ITM2C: variants seen among roughly 807,000 people sequenced by gnomAD.
ITM2C encodes BRICHOS domain containing 2C.
A neutral mutation model predicts 30.0 loss-of-function variants in ITM2C; 20 were observed. The observed-to-expected ratio is 0.67, with a 90% confidence interval of 0.47 to 0.97. ITM2C has a LOEUF of 0.97. ITM2C is among the 50% of genes least tolerant of loss of function. ITM2C has a pLI of 0.00. For synonymous variants in ITM2C, 167 were observed against 156.4 expected, an observed-to-expected ratio of 1.07 and a Z score of -0.51; for missense variants, 366 against 371.9, an observed-to-expected ratio of 0.98 and a Z score of 0.13.
chr2:230,878,498 T>G lies in ITM2C; in HGVS notation c.*399T>G, dbSNP rs1417292305. 6.2e-6 allele frequency: 1 copy of G among 161,906 alleles called. No homozygotes were observed. Among genetic ancestry groups the G allele is most frequent in the Non-Finnish European group, 1.3e-5 (1 of 74,470 alleles). 10.0% of individuals were successfully genotyped at this position (161,906 alleles called of 1,614,324 possible). ...CGGGGCGGCATGGGCTTCAGAAGTA[T>G]CTGCACAATTAGAAAAGTCCTCAGA... On this transcript the variant is annotated 3_prime_UTR_variant, in exon 6 of 6. Coordinates refer to ENST00000326427, the MANE Select transcript of ITM2C (RefSeq NM_030926.6). The surrounding 1 kb of genome is among the most constrained non-coding windows in gnomAD (Gnocchi z 4.5).
At position 230,873,911 on chromosome 2, in the gene ITM2C, G is replaced by A. The variant is rs574927624; in HGVS notation, c.261+354G>A. The stretch of plus-strand genomic sequence containing the variant: ...CTCAGACCCTGCACCTGCAGGTCAC[G>A]CTTTAAGGCTGACCTAACTGTGCTT... On this transcript the variant is annotated intron_variant, in intron 2 of 5. Coordinates refer to ENST00000326427, the MANE Select transcript of ITM2C (RefSeq NM_030926.6). Among the ~76,000 whole-genome samples, 38 of 152,364 alleles carry A rather than the reference G, an allele frequency of 2.5e-4. No individual in the cohort carries two copies. The South Asian group carries it at 6.8e-3, about 27-fold the overall frequency.
chr2:230,876,932 C>A lies in ITM2C; in HGVS notation c.526C>A (p.Pro176Thr). The change falls in exon 4 of 6, where the codon CCT (proline) becomes ACT (threonine). Residue 176 changes from proline (P) to threonine (T), a missense_variant. Coordinates refer to ENST00000326427, the MANE Select transcript of ITM2C (RefSeq NM_030926.6). ...ACTCAACACCACCATTGTGCTGCCC[C>A]CTCGCAACTTCTGGGAGCTCCTCAT... is the stretch of plus-strand genomic sequence containing the variant. ...IELNTTIVLP[P>T]RNFWELLMNV... The A allele has an allele frequency of 2.5e-6, 4 of 1,613,986 alleles. No homozygotes were observed. The highest frequency in any genetic ancestry group is 3.4e-6 in the Non-Finnish European group (4 of 1,179,860).
chr2:230,878,213 G>T lies in ITM2C; in HGVS notation c.*114G>T. ...GTACTTTGGACGCGTTTCTATAGAG[G>T]TGACATGTCTCTCCATTCCTCTCCA... On this transcript the variant is annotated 3_prime_UTR_variant, in exon 6 of 6. Transcript: ENST00000326427. This position sits in a 1 kb window ranked among gnomAD's most constrained non-coding sequence, Gnocchi z 4.5. The T allele has an allele frequency of 1.5e-6, 1 of 663,200 alleles. No homozygotes were observed. The highest frequency in any genetic ancestry group is 2.5e-6 in the Non-Finnish European group (1 of 406,354). The allele number at this position is 663,200 out of a possible 1,614,324, so 41.1% of individuals were successfully genotyped here. A position where few individuals can be genotyped will look rare whatever the true frequency, so the allele number is the denominator to read the frequency against.
Position 230,877,482 on chromosome 2 carries a change from G to A in ITM2C, c.644G>A (p.Gly215Glu). 6.2e-7 allele frequency: 1 copy of A among 1,614,064 alleles called. No homozygotes were observed. Among genetic ancestry groups the A allele is most frequent in the Non-Finnish European group, 8.5e-7 (1 of 1,179,972 alleles). Residue 215 changes from glycine (G) to glutamate (E), a missense_variant, in exon 5 of 6, where the codon GGG becomes GAG. Transcript: ENST00000326427. The surrounding 1 kb of genome is among the most constrained non-coding windows in gnomAD (Gnocchi z 4.8). ...TEHVSDKEALGSFIYHLCNGK... is the reference protein window; with the variant it reads ...TEHVSDKEALESFIYHLCNGK... ...CATGTCAGTGACAAGGAGGCCCTGG[G>A]GTCCTTCATCTACCACCTGTGCAAC... is the stretch of plus-strand genomic sequence containing the variant.
chr2:230,871,493 C>A (rs765765889), intron 1 of ITM2C, among the ~76,000 whole-genome samples: 6 of 152,240 alleles, frequency 3.9e-5, no homozygotes, highest in Non-Finnish European at 5.9e-5. Context: ...CCTGAGGGCC[C>A]TGTGCACTGT....
rs979736927 is a variant in ITM2C, at chr2:230,865,599, G to C, written c.120+454G>C. 1 of 147,896 alleles carries C rather than the reference G, an allele frequency of 6.8e-6. No homozygotes were observed. Among genetic ancestry groups the C allele is most frequent in the African/African-American group, 2.5e-5 (1 of 40,186 alleles). The allele number at this position is 147,896 out of a possible 1,614,324, so 9.2% of individuals were successfully genotyped here. A position where few individuals can be genotyped will look rare whatever the true frequency, so the allele number is the denominator to read the frequency against. ...CAAAGTAGGGCGGTGGGACCTGATTGGCTGGGGAATTGGGGGTGGGGGGGT... is the reference window on the plus strand; with the variant it reads ...CAAAGTAGGGCGGTGGGACCTGATTCGCTGGGGAATTGGGGGTGGGGGGGT... On this transcript the variant is annotated intron_variant, in intron 1 of 5. Transcript: ENST00000326427. This position sits in a 1 kb window ranked among gnomAD's most constrained non-coding sequence, Gnocchi z 6.8.
At chr2:230,867,534 C>T (rs1217051393) in intron 1 of ITM2C, among the ~76,000 whole-genome samples, 3 of 152,066 alleles carry the variant, frequency 2.0e-5, no homozygotes, top group Admixed American at 6.5e-5. Flanking sequence ...GATTTTGTCC[C>T]GTACTGTTGG....
chr2:230,873,692 C>T, intron 2 of ITM2C, 135 bp downstream of exon 2: 1 of 830,752 alleles, frequency 1.2e-6, no homozygotes, highest in Non-Finnish European at 1.8e-6. Flanking sequence ...CCCGGCCAGC[C>T]CACAAGACTG....
intron 1 of ITM2C, among the ~76,000 whole-genome samples, chr2:230,872,271 T>A (rs1209485992): frequency 6.6e-6 from 1 of 152,204 alleles, no homozygotes; most frequent in East Asian, 1.9e-4. Context: ...GGAGGAAGGA[T>A]TAAATGGTGA....
intron 1 of ITM2C, among the ~76,000 whole-genome samples, chr2:230,869,331 C>G (rs1215703378): frequency 6.6e-6 from 1 of 152,218 alleles, no homozygotes; most frequent in Admixed American, 6.5e-5. Context: ...GACCCCTGAC[C>G]CTGTTGGCAG....
rs747832367 is a variant in ITM2C at position 230,877,426 on chromosome 2, C to T, written c.588C>T (p.Tyr196=). ...VKRGTYLPQT[Y]IIQEEMVVTE... is the part of the protein sequence containing the mutation. ...GGGGGACCTACCTGCCGCAGACGTA[C>T]ATCATCCAGGAGGAGATGGTGGTCA... The change falls in exon 5 of 6, where the codon TAC becomes TAT. Residue 196 remains tyrosine (Y), a synonymous_variant. Transcript: ENST00000326427. The surrounding 1 kb of genome is among the most constrained non-coding windows in gnomAD (Gnocchi z 4.8). 6.2e-7 allele frequency: 1 copy of T among 1,613,866 alleles called. No homozygotes were observed. The highest frequency in any genetic ancestry group is 1.3e-5 in the African/African-American group (1 of 74,918).
rs117985426 is a variant in ITM2C, at chr2:230,878,805, G to C, written c.*706G>C. On this transcript the variant is annotated 3_prime_UTR_variant, in exon 6 of 6. Transcript: ENST00000326427. This position sits in a 1 kb window ranked among gnomAD's most constrained non-coding sequence, Gnocchi z 4.5. Reference sequence around the variant, plus strand: ...TCCTGCCCCCCAGGAGCACAAGCAGGGTCCCCTCAGTCAAGGCAGTGGGAT... The same window carrying C: ...TCCTGCCCCCCAGGAGCACAAGCAGCGTCCCCTCAGTCAAGGCAGTGGGAT... 1.3e-5 allele frequency: 2 copies of C among 154,648 alleles called. No homozygotes were observed. Among genetic ancestry groups the C allele is most frequent in the African/African-American group, 4.8e-5 (2 of 41,506 alleles). 9.6% of individuals were successfully genotyped at this position (154,648 alleles called of 1,614,324 possible).
rs760092111 is a variant in ITM2C, at chr2:230,865,063, T to A, written c.38T>A (p.Ile13Asn). ...AGCTTCCAGCCCGCCGTGGCTGGCATCAAGGGCGACAAGGCTGACAAGGCG... is the reference window on the plus strand; with the variant it reads ...AGCTTCCAGCCCGCCGTGGCTGGCAACAAGGGCGACAAGGCTGACAAGGCG... ...KISFQPAVAG[I>N]KGDKADKASA... Residue 13 changes from isoleucine to asparagine, a missense_variant, in exon 1 of 6, where the codon ATC (isoleucine) becomes AAC (asparagine). Transcript: ENST00000326427. This position sits in a 1 kb window ranked among gnomAD's most constrained non-coding sequence, Gnocchi z 6.8. 2 of 1,534,220 alleles carry A rather than the reference T, an allele frequency of 1.3e-6. No individual in the cohort carries two copies. The highest frequency in any genetic ancestry group is 8.8e-7 in the Non-Finnish European group (1 of 1,137,206).
chr2:230,875,844 A>AGGGGGGGG, intron 3 of ITM2C, 36 bp downstream of exon 3: 2 of 140,562 alleles, frequency 1.4e-5, no homozygotes, highest in South Asian at 7.1e-5. Flanking sequence ...GGGGGGTGGG[A>AGGGGGGGG]GGGTGTCCCG....
At position 230,865,396 on chromosome 2, in the gene ITM2C, T is replaced by G. The variant is rs1697001651; in HGVS notation, c.120+251T>G. 2.6e-6 allele frequency: 1 copy of G among 380,450 alleles called. No individual in the cohort carries two copies. Among genetic ancestry groups the G allele is most frequent in the Admixed American group, 4.6e-5 (1 of 21,614 alleles). 23.6% of individuals were successfully genotyped at this position (380,450 alleles called of 1,614,324 possible). Reference sequence around the variant, plus strand: ...TGGTTCTGGTCTTCAGGTGGAGAAGTGCTCGAGGTCTCTTCCAAAAGTGGG... The same window carrying G: ...TGGTTCTGGTCTTCAGGTGGAGAAGGGCTCGAGGTCTCTTCCAAAAGTGGG... On this transcript the variant is annotated intron_variant, in intron 1 of 5. Transcript: ENST00000326427. The surrounding 1 kb of genome is among the most constrained non-coding windows in gnomAD (Gnocchi z 6.8).
At position 230,865,255 on chromosome 2, in the gene ITM2C, G is replaced by A. The variant is rs888344906; in HGVS notation, c.120+110G>A. On this transcript the variant is annotated intron_variant, in intron 1 of 5. Coordinates refer to ENST00000326427, the MANE Select transcript of ITM2C (RefSeq NM_030926.6). The surrounding 1 kb of genome is among the most constrained non-coding windows in gnomAD (Gnocchi z 6.8). Reference sequence around the variant, plus strand: ...GAGGCGCGTCAGGGCCCCAGAGCCCGGGGTGGAGCAGGGTTGGGAAGTCTC... The same window carrying A: ...GAGGCGCGTCAGGGCCCCAGAGCCCAGGGTGGAGCAGGGTTGGGAAGTCTC... The A allele has an allele frequency of 8.6e-7, 1 of 1,167,092 alleles. No homozygotes were observed. Among genetic ancestry groups the A allele is most frequent in the Non-Finnish European group, 1.1e-6 (1 of 908,496 alleles). 72.3% of individuals were successfully genotyped at this position (1,167,092 alleles called of 1,614,324 possible).
In ITM2C at chr2:230,878,276, C is replaced by T. The variant is rs2125027633; in HGVS notation, c.*177C>T. 9.3e-6 allele frequency: 4 copies of T among 428,392 alleles called. No homozygotes were observed. The highest frequency in any genetic ancestry group is 3.8e-5 in the East Asian group (1 of 26,294). 26.5% of individuals were successfully genotyped at this position (428,392 alleles called of 1,614,324 possible). On this transcript the variant is annotated 3_prime_UTR_variant, in exon 6 of 6. Transcript: ENST00000326427. This position sits in a 1 kb window ranked among gnomAD's most constrained non-coding sequence, Gnocchi z 4.5. ...TCCCTGTACCAGAGCTGTGATCTCT[C>T]GGTGGGGGGCCCATCTCTGCTGACC... is the stretch of plus-strand genomic sequence containing the variant.
chr2:230,872,121 A>G (rs1697181245), intron 1 of ITM2C, among the ~76,000 whole-genome samples: 1 of 152,242 alleles, frequency 6.6e-6, no homozygotes, highest in Non-Finnish European at 1.5e-5. Flanking sequence ...GAGGCCCAGA[A>G]AGTGCTAAGC....
In ITM2C at chr2:230,878,428, A is replaced by T; in HGVS notation, c.*329A>T. 1 of 183,160 alleles carries T rather than the reference A, an allele frequency of 5.5e-6. No homozygotes were observed. Among genetic ancestry groups the T allele is most frequent in the Admixed American group, 6.0e-5 (1 of 16,620 alleles). 11.3% of individuals were successfully genotyped at this position (183,160 alleles called of 1,614,324 possible). On this transcript the variant is annotated 3_prime_UTR_variant, in exon 6 of 6. Coordinates refer to ENST00000326427, the MANE Select transcript of ITM2C (RefSeq NM_030926.6). This position sits in a 1 kb window ranked among gnomAD's most constrained non-coding sequence, Gnocchi z 4.5. ...CCCAAGGGGAAGGACCGGTTGGGGG[A>T]GCCGGGCATGTGAGGCCCTGGGCAA...
Sources: allele counts gnomAD v4.1 joint callset (sites outside exome capture counted in the v4.1 genomes callset), GRCh38; gene constraint gnomAD v4.1.1; non-coding constraint Gnocchi (gnomAD v3.1); transcripts MANE v1.5; gene names NCBI Gene and HGNC (gene_info 2026-07-23, HGNC 2026-07-21).